CROCC2: variants seen among roughly 807,000 people sequenced by gnomAD.
The protein encoded by CROCC2 is ciliary rootlet coiled-coil, rootletin family member 2.
A neutral mutation model predicts 177.6 loss-of-function variants in CROCC2; 163 were observed. The ratio of observed to expected loss-of-function variants is 0.92; its 90% CI spans 0.81 to 1.05. The LOEUF (loss-of-function observed/expected upper bound fraction) is 1.05. Ranked by LOEUF, CROCC2 falls within the 50% of genes least tolerant of loss-of-function variation. The pLI is 0.00. For synonymous variants in CROCC2, 904 were observed against 787.3 expected (o/e 1.15, Z -2.48); for missense variants, 1,929 against 1,797.8 (o/e 1.07, Z -1.32).
intron 28 of CROCC2, among the ~76,000 whole-genome samples, chr2:240,986,321 C>G (rs2106493511): frequency 6.6e-6 from 1 of 152,342 alleles, no homozygotes; most frequent in Non-Finnish European, 1.5e-5. Context: ...CTGCCTCCAG[C>G]TCGGCATCCA....
Position 240,933,850 on chromosome 2 carries a change from C to A in CROCC2, c.1644C>A (p.Thr548=), listed in dbSNP as rs990817158. ...AGCGGAGCTGCAGGGCACTGGAGAC[C>A]AGGTGCGCGGCCGTGGCTGGGTGGG... The part of the protein sequence containing the change: ...RRERSCRALE[T]SQGRLQQLEE... The change falls in exon 11 of 32, where the codon ACC becomes ACA. Residue 548 remains threonine, a splice_region_variant and synonymous_variant. Transcript: ENST00000690015. 3.9e-6 allele frequency: 6 copies of A among 1,544,016 alleles called. No individual in the cohort carries two copies. The Admixed American group carries it at 1.2e-4, about 30-fold the overall frequency.
At chr2:240,963,265 A>G (rs1262219694) in intron 20 of CROCC2, 1 of 457,578 alleles carries the variant, frequency 2.2e-6, no homozygotes, top group Non-Finnish European at 3.9e-6. Context: ...CTTGCTTACC[A>G]GTGGTCAGCG....
At chr2:240,950,895 TTATC>T (rs2106470465) in intron 18 of CROCC2, 1 of 111,250 alleles carries the variant, frequency 9.0e-6, no homozygotes, top group East Asian at 2.3e-4. Flanking sequence ...ATCCATCCAT[TTATC>T]CATCCATCCA....
chr2:240,919,154 G>A (rs2059341675), intron 2 of CROCC2, among the ~76,000 whole-genome samples: 2 of 142,860 alleles, frequency 1.4e-5, no homozygotes, highest in East Asian at 3.1e-4. Context: ...ACAGTCCTGG[G>A]CCTGCAGCTG....
chr2:240,983,523 C>T (rs1318544669), intron 28 of CROCC2: 3 of 1,252,294 alleles, frequency 2.4e-6, no homozygotes, highest in Non-Finnish European at 3.1e-6. Flanking sequence ...GCGCTGCGCA[C>T]CGAGCGGGCG....
chr2:240,949,276 C>A lies in CROCC2; in HGVS notation c.2482+179C>A, dbSNP rs2059540092. On this transcript the variant is annotated intron_variant, in intron 16 of 31. Transcript: ENST00000690015. This position sits in a 1 kb window ranked among gnomAD's most constrained non-coding sequence, Gnocchi z 4.5. ...GGCCACCCTCGCCCATGAGGAGCAG[C>A]AACACCCTGCCCAGGCTGCACCTGG... 3 of 840,182 alleles carry A rather than the reference C, an allele frequency of 3.6e-6. No homozygotes were observed. Among genetic ancestry groups the A allele is most frequent in the Non-Finnish European group, 4.3e-6 (3 of 697,412 alleles). The allele number at this position is 840,182 out of a possible 1,614,324, so 52.0% of individuals were successfully genotyped here.
At position 240,949,285 on chromosome 2, in the gene CROCC2, G is replaced by A. The variant is rs2059540147; in HGVS notation, c.2482+188G>A. On this transcript the variant is annotated intron_variant, in intron 16 of 31. Transcript: ENST00000690015. This position sits in a 1 kb window ranked among gnomAD's most constrained non-coding sequence, Gnocchi z 4.5. ...CGCCCATGAGGAGCAGCAACACCCTGCCCAGGCTGCACCTGGTGCCAGCCT... is the reference window on the plus strand; with the variant it reads ...CGCCCATGAGGAGCAGCAACACCCTACCCAGGCTGCACCTGGTGCCAGCCT... 1.3e-6 allele frequency: 1 copy of A among 797,410 alleles called. No homozygotes were observed. Among genetic ancestry groups the A allele is most frequent in the Non-Finnish European group, 1.5e-6 (1 of 658,202 alleles). The allele number at this position is 797,410 out of a possible 1,614,324, so 49.4% of individuals were successfully genotyped here. A position where few individuals can be genotyped will look rare whatever the true frequency, so the allele number is the denominator to read the frequency against.
At chr2:240,921,932 C>G (rs1391002767) in intron 3 of CROCC2, among the ~76,000 whole-genome samples, 1 of 152,194 alleles carries the variant, frequency 6.6e-6, no homozygotes, top group Non-Finnish European at 1.5e-5. Flanking sequence ...CCAGTGGTGG[C>G]AGAGTGGCCC....
At chr2:240,956,235 G>C in intron 19 of CROCC2, 1 of 505,028 alleles carries the variant, frequency 2.0e-6, no homozygotes, top group Non-Finnish European at 3.6e-6. Flanking sequence ...AGGGGCCAGA[G>C]AGAGGGGGCC....
rs556493454 is a variant in CROCC2, at chr2:240,963,606, A to G, written c.3138A>G (p.Ala1046=). 2.3e-5 allele frequency: 35 copies of G among 1,547,806 alleles called. No homozygotes were observed. Among genetic ancestry groups the G allele is most frequent in the Admixed American group, 2.2e-4 (11 of 50,932 alleles). Residue 1046 remains alanine (A), a synonymous_variant, in exon 21 of 32, where the codon GCA becomes GCG. Transcript: ENST00000690015. The part of the protein sequence containing the change: ...QLTVAQEGLA[A]LRQELQGVEE... ...CCGTGGCCCAGGAGGGACTGGCCGC[A>G]CTGCGCCAGGAGCTGCAGGGCGTCG...
At position 240,920,090 on chromosome 2, in the gene CROCC2, G is replaced by A. The variant is rs779389247; in HGVS notation, c.337G>A (p.Glu113Lys). Residue 113 changes from glutamate (E) to lysine (K), a missense_variant, in exon 3 of 32, where the codon GAG becomes AAG. Around this residue, in one of 3 missense-constraint regions of CROCC2, gnomAD observed 1,397 missense variants for 1,239.9 expected, o/e 1.13. Coordinates refer to ENST00000690015, the MANE Select transcript of CROCC2 (RefSeq NM_001351305.2). ...GGACCTGCTGGCCCAGGCCAGCGCC[G>A]AGCGAGATGAGCTGGCCAGCAGGTG... ...LGDLLAQASA[E>K]RDELASRCRV... 1.7e-5 allele frequency: 12 copies of A among 710,272 alleles called. No individual in the cohort carries two copies. The highest frequency in any genetic ancestry group is 9.0e-5 in the South Asian group (6 of 66,990). 44.0% of individuals were successfully genotyped at this position (710,272 alleles called of 1,614,324 possible). A position where few individuals can be genotyped will look rare whatever the true frequency, so the allele number is the denominator to read the frequency against.
At chr2:240,906,810 G>C (rs1332132141) in intron 1 of CROCC2, among the ~76,000 whole-genome samples, 1 of 152,228 alleles carries the variant, frequency 6.6e-6, no homozygotes, top group Non-Finnish European at 1.5e-5. Context: ...AGGAGAGAGA[G>C]CCTGGGGAGA....
At chr2:240,963,283 G>A (rs912195976) in intron 20 of CROCC2, 2 of 491,026 alleles carry the variant, frequency 4.1e-6, no homozygotes, top group Non-Finnish European at 7.3e-6. Context: ...GCGTCCTGGG[G>A]GTCCAGAGAG....
At chr2:240,963,873 G>C (rs375845772) in intron 21 of CROCC2, 100 bp downstream of exon 21, 1 of 1,273,374 alleles carries the variant, frequency 7.9e-7, no homozygotes, top group Non-Finnish European at 1.1e-6. Flanking sequence ...GGGGCGTCCT[G>C]TTGACTTGGG....
At position 240,917,620 on chromosome 2, in the gene CROCC2, G is replaced by A. The variant is rs2059328783; in HGVS notation, c.79-1106G>A. Reference sequence around the variant, plus strand: ...AGGGAGAGGGGTCCTCTGTGCTGGCGTGGGAGCCAGGCAAGGAGGACTTGG... The same window carrying A: ...AGGGAGAGGGGTCCTCTGTGCTGGCATGGGAGCCAGGCAAGGAGGACTTGG... On this transcript the variant is annotated intron_variant, in intron 1 of 31. Transcript: ENST00000690015. The surrounding 1 kb of genome is among the most constrained non-coding windows in gnomAD (Gnocchi z 4.9). Among the ~76,000 whole-genome samples, 1 of 152,154 alleles carries A rather than the reference G, an allele frequency of 6.6e-6. No individual in the cohort carries two copies.
intron 14 of CROCC2, among the ~76,000 whole-genome samples, chr2:240,936,844 G>A (rs147679304): frequency 1.8e-4 from 28 of 152,336 alleles, no homozygotes; most frequent in African/African-American, 6.5e-4. Context: ...CACACACTTG[G>A]TGATATGGTT....
Position 240,963,549 on chromosome 2 carries a change from TC to T in CROCC2, c.3088-3del. 1 of 1,536,714 alleles carries T rather than the reference TC, an allele frequency of 6.5e-7. No individual in the cohort carries two copies. The highest frequency in any genetic ancestry group is 8.8e-7 in the Non-Finnish European group (1 of 1,139,440). On this transcript the variant is annotated splice_region_variant and splice_polypyrimidine_tract_variant and intron_variant, in intron 20 of 31. Coordinates refer to ENST00000690015, the MANE Select transcript of CROCC2 (RefSeq NM_001351305.2). ...GCGGGCCTCTAGAGCTGAATGGTCC[TC>T]CCCAGGCTGAGAGGCTGCGGGCACA...
chr2:240,925,262 C>G (rs924895720), intron 4 of CROCC2, among the ~76,000 whole-genome samples: 1 of 152,180 alleles, frequency 6.6e-6, no homozygotes, highest in Non-Finnish European at 1.5e-5. Context: ...GACTTGCACC[C>G]CTACTGCAGC....
intron 27 of CROCC2, among the ~76,000 whole-genome samples, chr2:240,968,582 G>T (rs1192394276): frequency 6.6e-6 from 1 of 152,232 alleles, no homozygotes; most frequent in Admixed American, 6.5e-5. Context: ...GGGGGGCAGA[G>T]CCCCAAGTCT....
Sources: allele counts gnomAD v4.1 joint callset (sites outside exome capture counted in the v4.1 genomes callset), GRCh38; gene constraint gnomAD v4.1.1; regional missense constraint gnomAD v4.1.1; non-coding constraint Gnocchi (gnomAD v3.1); transcripts MANE v1.5; gene names NCBI Gene and HGNC (gene_info 2026-07-23, HGNC 2026-07-21).